Variants in ABCC4 observed in about 807,000 individuals in gnomAD.
The protein encoded by ABCC4 is ATP-binding cassette sub-family C member 4.
A neutral mutation model predicts 168.5 loss-of-function variants in ABCC4; 102 were observed. That is an observed-to-expected ratio of 0.61 (90% CI 0.52 to 0.71). ABCC4 has a LOEUF of 0.71. Among genes scored for constraint, ABCC4 ranks in the 30% least tolerant of loss-of-function variants. The pLI is 0.00. For synonymous variants in ABCC4, 617 were observed against 590.7 expected (o/e 1.04, Z -0.65); for missense variants, 1,402 against 1,605.8 (o/e 0.87, Z 2.17).
intron 8 of ABCC4, among the ~76,000 whole-genome samples, chr13:95,199,210 G>A (rs1275573245): frequency 6.6e-6 from 1 of 152,098 alleles, no homozygotes; most frequent in Non-Finnish European, 1.5e-5. Flanking sequence ...CCAAGCTCTG[G>A]TCTATCTATG....
chr13:95,027,613 A>G (rs2031610787), intron 30 of ABCC4, among the ~76,000 whole-genome samples: 1 of 152,196 alleles, frequency 6.6e-6, no homozygotes, highest in Non-Finnish European at 1.5e-5. Flanking sequence ...TTTGAAGGCA[A>G]ATAGAAGAAA....
intron 26 of ABCC4, chr13:95,054,021 CTTTTTTTTTTTTTTT>C (rs55980425): frequency 7.0e-5 from 5 of 71,634 alleles, no homozygotes; most frequent in East Asian, 5.8e-4. Flanking sequence ...ATGGGACATC[CTTTTTTTTTTTTTTT>C]TTTTTTTTTT....
chr13:95,131,571 G>C (rs112638465), intron 19 of ABCC4, among the ~76,000 whole-genome samples: 5 of 152,164 alleles, frequency 3.3e-5, no homozygotes, highest in Non-Finnish European at 1.5e-5. Context: ...GGAGGCTACA[G>C]TGAGCCGAGA....
intron 13 of ABCC4, among the ~76,000 whole-genome samples, chr13:95,176,674 G>A (rs1163305209): frequency 6.6e-6 from 1 of 152,140 alleles, no homozygotes; most frequent in Non-Finnish European, 1.5e-5. Flanking sequence ...TATCTTCTCT[G>A]TGGCTGACTG....
intron 11 of ABCC4, among the ~76,000 whole-genome samples, chr13:95,182,776 C>A (rs1476350311): frequency 1.3e-5 from 2 of 152,184 alleles, no homozygotes; most frequent in Admixed American, 6.5e-5. Flanking sequence ...GACTCAATCC[C>A]AGAGCTGTCT....
chr13:95,264,574 AAG>A (rs1232055745), intron 1 of ABCC4, among the ~76,000 whole-genome samples: 4 of 152,148 alleles, frequency 2.6e-5, no homozygotes, highest in African/African-American at 9.7e-5. Flanking sequence ...TGTGTCTTTG[AAG>A]AATATTCTAG....
chr13:95,129,111 G>T (rs1594144890), intron 19 of ABCC4, among the ~76,000 whole-genome samples: 1 of 152,140 alleles, frequency 6.6e-6, no homozygotes, highest in East Asian at 1.9e-4. Flanking sequence ...GCTGAAAATG[G>T]GTTCTTTGGG....
At chr13:95,240,791 T>G (rs2039920774) in intron 3 of ABCC4, among the ~76,000 whole-genome samples, 1 of 152,018 alleles carries the variant, frequency 6.6e-6, no homozygotes, top group African/African-American at 2.4e-5. Flanking sequence ...GCCAACATGG[T>G]AAAACCCTGT....
At chr13:95,061,186 A>G (rs181541686) in intron 26 of ABCC4, among the ~76,000 whole-genome samples, 1 of 152,296 alleles carries the variant, frequency 6.6e-6, no homozygotes, top group African/African-American at 2.4e-5. Flanking sequence ...GGGTACTGTG[A>G]TGATCATGGA....
rs4148531 is a variant in ABCC4 at position 95,084,638 on chromosome 13, G to GT, written c.2536-1349dup. On this transcript the variant is annotated intron_variant, in intron 20 of 30. Coordinates refer to ENST00000645237, the MANE Select transcript of ABCC4 (RefSeq NM_005845.5). ...AAAACAAGTCAAAATGTCTAACAGG[G>GT]TTTTTTTTTTAGCTTTAACACTTGG... Among the ~76,000 whole-genome samples, 509 of 147,606 alleles carry GT rather than the reference G, an allele frequency of 3.4e-3. 6 individuals carry two copies. Among genetic ancestry groups the GT allele is most frequent in the African/African-American group, 0.011 (432 of 40,356 alleles).
intron 13 of ABCC4, among the ~76,000 whole-genome samples, chr13:95,174,379 T>C (rs192909261): frequency 1.3e-5 from 2 of 152,246 alleles, no homozygotes; most frequent in Non-Finnish European, 2.9e-5. Flanking sequence ...CCATCTTTCA[T>C]AGCATATTGT....
intron 1 of ABCC4, among the ~76,000 whole-genome samples, chr13:95,299,179 G>A (rs906043806): frequency 5.3e-5 from 8 of 151,112 alleles, no homozygotes; most frequent in Admixed American, 4.0e-4. Context: ...GGATTGCTTC[G>A]GCCCAGGAGT....
chr13:95,201,407 C>T (rs1427301609), intron 8 of ABCC4, among the ~76,000 whole-genome samples: 1 of 152,182 alleles, frequency 6.6e-6, no homozygotes, highest in East Asian at 1.9e-4. Flanking sequence ...CAGAGAACGA[C>T]AGTCATCACT....
At chr13:95,250,602 C>G (rs2040228225) in intron 1 of ABCC4, among the ~76,000 whole-genome samples, 1 of 152,038 alleles carries the variant, frequency 6.6e-6, no homozygotes, top group African/African-American at 2.4e-5. Flanking sequence ...GAGACATTCT[C>G]CACCCCAGGA....
chr13:95,181,828 A>G (rs949018111), intron 11 of ABCC4, among the ~76,000 whole-genome samples: 1 of 152,172 alleles, frequency 6.6e-6, no homozygotes, highest in African/African-American at 2.4e-5. Context: ...TGCTTCCCCA[A>G]GTGCTTGCTA....
intron 30 of ABCC4, among the ~76,000 whole-genome samples, chr13:95,029,279 A>G (rs1164107482): frequency 1.6e-5 from 2 of 125,074 alleles, no homozygotes; most frequent in African/African-American, 6.0e-5. Context: ...GAGAGAGAGA[A>G]CGCTAATAAA....
chr13:95,129,681 T>A (rs1363951021), intron 19 of ABCC4, among the ~76,000 whole-genome samples: 2 of 152,024 alleles, frequency 1.3e-5, no homozygotes, highest in African/African-American at 4.8e-5. Flanking sequence ...TGAAAAAAAA[T>A]TTTTAAAGAT....
At chr13:95,266,854 C>A (rs1167971372) in intron 1 of ABCC4, among the ~76,000 whole-genome samples, 1 of 132,442 alleles carries the variant, frequency 7.6e-6, no homozygotes, top group Admixed American at 7.8e-5. Context: ...GATGGAGTTT[C>A]GCTCTGTCTC....
At chr13:95,154,065 T>C (rs1275203007) in intron 19 of ABCC4, among the ~76,000 whole-genome samples, 1 of 152,214 alleles carries the variant, frequency 6.6e-6, no homozygotes, top group East Asian at 1.9e-4. Flanking sequence ...AGCTGTTTCA[T>C]TCAAAGCTGA....
Sources: allele counts gnomAD v4.1 joint callset (sites outside exome capture counted in the v4.1 genomes callset), GRCh38; gene constraint gnomAD v4.1.1; transcripts MANE v1.5; gene names NCBI Gene and HGNC (gene_info 2026-07-23, HGNC 2026-07-21).